The following ATM variants were observed in gnomAD, a reference collection of about 807,000 sequenced individuals.
The protein encoded by ATM is ATM serine/threonine kinase.
Under a neutral mutation model 387.0 loss-of-function variants are expected in ATM, and 308 were observed. That is an observed-to-expected ratio of 0.80 (90% CI 0.73 to 0.87). The LOEUF is 0.87. Ranked by LOEUF, ATM falls within the 40% of genes least tolerant of loss-of-function variation. The pLI is 0.00. For synonymous variants in ATM, 1,156 were observed against 1,187.3 expected, an observed-to-expected ratio of 0.97 and a Z score of 0.54; for missense variants, 3,312 against 3,560.9, an observed-to-expected ratio of 0.93 and a Z score of 1.78.
chr11:108,260,648 G>A (rs149540056), intron 16 of ATM, among the ~76,000 whole-genome samples: 2,262 of 152,276 alleles, frequency 0.015, 54 homozygotes, highest in African/African-American at 0.051. Flanking sequence ...CAAGATGGCC[G>A]AATAGGAACA....
intron 37 of ATM, among the ~76,000 whole-genome samples, chr11:108,305,466 G>GC (rs2083641902): frequency 1.3e-5 from 2 of 152,220 alleles, no homozygotes; most frequent in East Asian, 3.9e-4. Context: ...TATAATTGCA[G>GC]CTACTTGGGA....
At chr11:108,280,904 GTCAAAAAA>G in intron 23 of ATM, 83 bp from the exon 24 acceptor site, 1 of 1,216,808 alleles carries the variant, frequency 8.2e-7, no homozygotes, top group Non-Finnish European at 1.2e-6. Context: ...TGTATAGCTT[GTCAAAAAA>G]TCTGGAGTTC....
chr11:108,295,482 A>G (rs1218392539), intron 32 of ATM: 1 of 175,304 alleles, frequency 5.7e-6, no homozygotes, highest in Non-Finnish European at 1.2e-5. Context: ...ACACACCACT[A>G]CACCTAGCTA....
intron 61 of ATM, among the ~76,000 whole-genome samples, chr11:108,360,637 T>C (rs2137645444): frequency 6.7e-6 from 1 of 149,972 alleles, no homozygotes; most frequent in East Asian, 1.9e-4. Flanking sequence ...CAAGGCTGGT[T>C]CAATATATGC....
chr11:108,307,791 C>A, intron 37 of ATM, 106 bp from the exon 38 acceptor site: 1 of 1,003,738 alleles, frequency 1.0e-6, no homozygotes, highest in Non-Finnish European at 1.5e-6. Context: ...TAGGTACTGC[C>A]CACCAGAACC....
At chr11:108,277,137 G>C (rs942263684) in intron 22 of ATM, among the ~76,000 whole-genome samples, 1 of 152,148 alleles carries the variant, frequency 6.6e-6, no homozygotes, top group African/African-American at 2.4e-5. Context: ...CACCCAGTTC[G>C]AACTTCCTAC....
intron 35 of ATM, among the ~76,000 whole-genome samples, chr11:108,302,333 G>A (rs1376204038): frequency 1.3e-5 from 2 of 152,010 alleles, no homozygotes; most frequent in African/African-American, 4.8e-5. Flanking sequence ...AAGTGACTGA[G>A]AAATACACAG....
chr11:108,265,483 C>G (rs1273460207), intron 16 of ATM, among the ~76,000 whole-genome samples: 3 of 152,094 alleles, frequency 2.0e-5, no homozygotes, highest in Non-Finnish European at 4.4e-5. Context: ...AAAATCAATT[C>G]AAGATGGATT....
chr11:108,317,671 ACACT>A (rs1451760035), intron 43 of ATM, 150 bp downstream of exon 43: 2 of 228,500 alleles, frequency 8.8e-6, no homozygotes, highest in African/African-American at 5.1e-5. Flanking sequence ...ACACACACAC[ACACT>A]ATATATATAT....
chr11:108,343,869 A>C (rs2087931381), intron 57 of ATM, among the ~76,000 whole-genome samples: 1 of 152,234 alleles, frequency 6.6e-6, no homozygotes, highest in East Asian at 1.9e-4. Flanking sequence ...TGAGACATTT[A>C]CAATGTCACA....
At chr11:108,342,718 T>C (rs1315389102) in intron 56 of ATM, among the ~76,000 whole-genome samples, 1 of 152,202 alleles carries the variant, frequency 6.6e-6, no homozygotes, top group African/African-American at 2.4e-5. Flanking sequence ...CCTAGTAAAG[T>C]TGCTTATTTT....
At chr11:108,262,528 C>T (rs976803951) in intron 16 of ATM, among the ~76,000 whole-genome samples, 1 of 152,248 alleles carries the variant, frequency 6.6e-6, no homozygotes, top group African/African-American at 2.4e-5. Flanking sequence ...GCTGCAAAAT[C>T]ATGCCAAAAT....
At chr11:108,338,487 T>G (rs1363517639) in intron 56 of ATM, among the ~76,000 whole-genome samples, 5 of 152,138 alleles carry the variant, frequency 3.3e-5, no homozygotes, top group Non-Finnish European at 7.4e-5. Context: ...AGACCTCATC[T>G]CTACAAAAAA....
At chr11:108,349,211 C>CT (rs2088866396) in intron 59 of ATM, among the ~76,000 whole-genome samples, 1 of 152,148 alleles carries the variant, frequency 6.6e-6, no homozygotes, top group Admixed American at 6.6e-5. Flanking sequence ...TCAATAGTAT[C>CT]TGATACAGAA....
chr11:108,302,121 A>C (rs1461260737), intron 35 of ATM, among the ~76,000 whole-genome samples: 1 of 152,140 alleles, frequency 6.6e-6, no homozygotes, highest in Non-Finnish European at 1.5e-5. Context: ...GTTTATAGTT[A>C]TTGTGATCCA....
chr11:108,264,390 A>T (rs1404510721), intron 16 of ATM, among the ~76,000 whole-genome samples: 1 of 152,244 alleles, frequency 6.6e-6, no homozygotes, highest in Non-Finnish European at 1.5e-5. Flanking sequence ...ACACATGATT[A>T]TCTCAATAGA....
At position 108,365,779 on chromosome 11, in the gene ATM, C is replaced by T. The variant is rs944900966; in HGVS notation, c.*271C>T. On this transcript the variant is annotated 3_prime_UTR_variant, in exon 63 of 63. Coordinates refer to ENST00000675843, the MANE Select transcript of ATM (RefSeq NM_000051.4). ...CTGTAATCCCAGCACTTTGGGAGGC[C>T]GAGGTGAGCGGATCACAAGGTCAGG... 12 of 442,514 alleles carry T rather than the reference C, an allele frequency of 2.7e-5. No homozygotes were observed. The highest frequency in any genetic ancestry group is 8.5e-5 in the East Asian group (2 of 23,480). 27.4% of individuals were successfully genotyped at this position (442,514 alleles called of 1,614,324 possible).
intron 59 of ATM, among the ~76,000 whole-genome samples, chr11:108,352,780 G>T (rs1204605120): frequency 1.3e-5 from 2 of 152,172 alleles, no homozygotes; most frequent in African/African-American, 2.4e-5. Context: ...AATCTCCAGA[G>T]AATTAGGCTG....
chr11:108,326,849 G>A (rs985599058), intron 47 of ATM, among the ~76,000 whole-genome samples: 12 of 151,874 alleles, frequency 7.9e-5, no homozygotes, highest in South Asian at 2.1e-4. Context: ...TTTTTGAGAC[G>A]GAGTCTTGCT....
Sources: allele counts gnomAD v4.1 joint callset (sites outside exome capture counted in the v4.1 genomes callset), GRCh38; gene constraint gnomAD v4.1.1; transcripts MANE v1.5; gene names NCBI Gene and HGNC (gene_info 2026-07-23, HGNC 2026-07-21).